CADM2: variants seen among roughly 807,000 people sequenced by gnomAD.
CADM2 encodes the protein immunoglobulin superfamily member 4D.
In CADM2, 12 loss-of-function variants were observed where a neutral mutation model predicts 49.8. The observed-to-expected ratio is 0.24, with a 90% CI of 0.15 to 0.39. CADM2 has a LOEUF of 0.39. Among genes scored for constraint, CADM2 ranks in the 10% least tolerant of loss-of-function variants. The pLI is 1.00. For missense variants in CADM2, 378 were observed against 492.3 expected (o/e 0.77, Z 2.20); for synonymous variants, 214 against 175.4 (o/e 1.22, Z -1.74).
intron 1 of CADM2, among the ~76,000 whole-genome samples, chr3:85,509,464 C>G (rs187656026): frequency 1.3e-5 from 2 of 152,042 alleles, no homozygotes; most frequent in Non-Finnish European, 2.9e-5. Context: ...ATTTAGCTTT[C>G]TCCAGTGACT....
chr3:85,216,171 A>G (rs1181130609), intron 1 of CADM2, among the ~76,000 whole-genome samples: 1 of 151,584 alleles, frequency 6.6e-6, no homozygotes, highest in Non-Finnish European at 1.5e-5. Flanking sequence ...CTCCTTCCCT[A>G]TAATATTGTT....
At chr3:84,982,737 A>ATATATT (rs1553663805) in intron 1 of CADM2, among the ~76,000 whole-genome samples, 2 of 115,376 alleles carry the variant, frequency 1.7e-5, no homozygotes, top group Non-Finnish European at 1.7e-5. Context: ...ATATATATAC[A>ATATATT]TTTTTTGTTT....
At chr3:84,970,655 TG>T (rs2031364845) in intron 1 of CADM2, among the ~76,000 whole-genome samples, 1 of 152,038 alleles carries the variant, frequency 6.6e-6, no homozygotes, top group Non-Finnish European at 1.5e-5. Flanking sequence ...TGTAAATAAA[TG>T]TCAAATGAAG....
At chr3:85,519,366 T>C (rs370824927) in intron 1 of CADM2, among the ~76,000 whole-genome samples, 7 of 152,252 alleles carry the variant, frequency 4.6e-5, no homozygotes, top group East Asian at 3.9e-4. Context: ...TTTAATCTTA[T>C]TTCTTTTGTA....
intron 1 of CADM2, among the ~76,000 whole-genome samples, chr3:85,090,186 C>T (rs1383558569): frequency 6.6e-6 from 1 of 151,958 alleles, no homozygotes; most frequent in African/African-American, 2.4e-5. Context: ...CTCAGTTTTA[C>T]TTTTTATTCT....
chr3:85,541,642 GAAAA>G (rs1356572819), intron 1 of CADM2, among the ~76,000 whole-genome samples: 1 of 141,634 alleles, frequency 7.1e-6, no homozygotes, highest in African/African-American at 2.6e-5. Context: ...CAATTACAAT[GAAAA>G]AAAAAGCAAC....
chr3:85,166,757 A>G (rs574362930), intron 1 of CADM2, among the ~76,000 whole-genome samples: 2 of 152,040 alleles, frequency 1.3e-5, no homozygotes, highest in Admixed American at 6.5e-5. Context: ...TAGAAAATAT[A>G]TGCTTTCTCA....
chr3:85,357,907 T>G (rs4856270), intron 1 of CADM2, among the ~76,000 whole-genome samples: 141,651 of 152,094 alleles, frequency 0.93, 66,209 homozygotes, highest in Non-Finnish European at 0.97. Context: ...GAGAGACCTC[T>G]AGCTGTATCA....
chr3:85,584,281 T>C (rs2062875415), intron 1 of CADM2, among the ~76,000 whole-genome samples: 1 of 152,012 alleles, frequency 6.6e-6, no homozygotes, highest in Non-Finnish European at 1.5e-5. Context: ...CTGATAATAT[T>C]CCACTGGGAG....
intron 1 of CADM2, among the ~76,000 whole-genome samples, chr3:85,044,774 C>G (rs1470167254): frequency 2.0e-5 from 3 of 147,116 alleles, no homozygotes; most frequent in South Asian, 4.3e-4. Context: ...GTTTTAGTGT[C>G]TTTTTCTTTC....
intron 1 of CADM2, among the ~76,000 whole-genome samples, chr3:85,504,883 G>C (rs941620837): frequency 6.6e-6 from 1 of 152,126 alleles, no homozygotes; most frequent in South Asian, 2.1e-4. Context: ...GGCACTGCTG[G>C]GGGACCCAGT....
chr3:85,974,921 A>C (rs1201360868), intron 8 of CADM2, among the ~76,000 whole-genome samples: 1 of 151,638 alleles, frequency 6.6e-6, no homozygotes, highest in Non-Finnish European at 1.5e-5. Context: ...ATTACAATTC[A>C]AACTTTATGT....
At position 85,606,644 on chromosome 3, in the gene CADM2, G is replaced by A. The variant is rs1264769364; in HGVS notation, c.62-119878G>A. Among the ~76,000 whole-genome samples the A allele has an allele frequency of 2.6e-5, 4 of 152,226 alleles. 1 individual carries two copies. The East Asian group carries it at 7.7e-4, about 29-fold the overall frequency. ...GAATCAGGATACCCATTTCTCAGAA[G>A]GGTGATCAATGAAGACTTCAGGGAA... On this transcript the variant is annotated intron_variant, in intron 1 of 9. Transcript: ENST00000383699.
At chr3:85,174,019 T>G (rs1341428965) in intron 1 of CADM2, among the ~76,000 whole-genome samples, 1 of 152,038 alleles carries the variant, frequency 6.6e-6, no homozygotes, top group Non-Finnish European at 1.5e-5. Flanking sequence ...ACCACACACA[T>G]ACACACACCT....
At chr3:85,662,548 T>G (rs1337471273) in intron 1 of CADM2, among the ~76,000 whole-genome samples, 3 of 152,014 alleles carry the variant, frequency 2.0e-5, no homozygotes, top group Non-Finnish European at 4.4e-5. Context: ...AACTTTCCCA[T>G]GTAATCACTC....
chr3:85,588,894 A>C (rs1220403909), intron 1 of CADM2, among the ~76,000 whole-genome samples: 2 of 152,050 alleles, frequency 1.3e-5, no homozygotes, highest in African/African-American at 4.8e-5. Context: ...AGTCTGGAGA[A>C]TGCCTGTCCA....
intron 1 of CADM2, among the ~76,000 whole-genome samples, chr3:85,123,959 G>A (rs1315097344): frequency 6.6e-6 from 1 of 152,206 alleles, no homozygotes; most frequent in South Asian, 2.1e-4. Flanking sequence ...GGAAACAAAT[G>A]TTGGGCTGGG....
intron 1 of CADM2, among the ~76,000 whole-genome samples, chr3:85,677,920 A>T (rs1199640974): frequency 6.6e-6 from 1 of 152,124 alleles, no homozygotes; most frequent in Non-Finnish European, 1.5e-5. Context: ...ATTCCTTCTA[A>T]CTTTGATATC....
chr3:85,226,077 T>TTTG (rs1202257673), intron 1 of CADM2, among the ~76,000 whole-genome samples: 2 of 151,990 alleles, frequency 1.3e-5, no homozygotes, highest in Non-Finnish European at 2.9e-5. Flanking sequence ...TGTTGTTGTT[T>TTTG]TTGTTGTTGT....
Sources: gnomAD v4.1 joint callset for allele counts (sites outside exome capture counted in the v4.1 genomes callset) on GRCh38, gnomAD v4.1.1 for gene constraint, MANE v1.5 for transcripts, NCBI Gene and HGNC (gene_info 2026-07-23, HGNC 2026-07-21) for gene names.